The following HIVEP3 variants were observed in gnomAD, a reference collection of about 807,000 sequenced individuals.
HIVEP3 encodes the protein transcription factor HIVEP3.
Under a neutral mutation model 152.8 loss-of-function variants are expected in HIVEP3, and 49 were observed. The observed-to-expected ratio is 0.32, with a 90% CI of 0.26 to 0.41. HIVEP3 has a LOEUF of 0.41. Ranked by LOEUF, HIVEP3 falls within the 10% of genes least tolerant of loss-of-function variation. HIVEP3 has a pLI of 1.00. For synonymous variants in HIVEP3, 1,269 were observed against 1,289.0 expected (o/e 0.98, Z 0.33); for missense variants, 2,790 against 3,103.3 (o/e 0.90, Z 2.40).
chr1:41,863,053 A>G lies in HIVEP3; in HGVS notation c.-801+55360T>C, dbSNP rs574605067. 3.9e-5 allele frequency among the ~76,000 whole-genome samples: 6 copies of G among 152,354 alleles called. No individual in the cohort carries two copies. The South Asian group carries it at 1.0e-3, about 26-fold the overall frequency. ...ATGCACACCTCCTCCAGTTCCTGGAAGGCAAGGATGAGTCAAACAGAAGTT... is the reference window on the plus strand; with the variant it reads ...ATGCACACCTCCTCCAGTTCCTGGAGGGCAAGGATGAGTCAAACAGAAGTT... On this transcript the variant is annotated intron_variant, in intron 1 of 8. Coordinates refer to ENST00000372583, the MANE Select transcript of HIVEP3 (RefSeq NM_024503.5).
chr1:41,903,856 T>A (rs1477325051), intron 1 of HIVEP3, among the ~76,000 whole-genome samples: 5 of 152,032 alleles, frequency 3.3e-5, no homozygotes, highest in Non-Finnish European at 5.9e-5. Context: ...ACTGACCATT[T>A]CCTGCCCAGC....
intron 1 of HIVEP3, among the ~76,000 whole-genome samples, chr1:42,017,317 T>C (rs1645528996): frequency 6.6e-6 from 1 of 152,176 alleles, no homozygotes; most frequent in Non-Finnish European, 1.5e-5. Context: ...ATAAAAAATT[T>C]AATGAAGTAT....
At chr1:41,996,112 G>A (rs567719562) in intron 1 of HIVEP3, among the ~76,000 whole-genome samples, 1 of 152,166 alleles carries the variant, frequency 6.6e-6, no homozygotes, top group Admixed American at 6.5e-5. Flanking sequence ...AAGAGCTGGG[G>A]TCCAGAGGCA....
intron 2 of HIVEP3, among the ~76,000 whole-genome samples, chr1:41,661,249 A>T (rs921908647): frequency 2.0e-5 from 3 of 152,214 alleles, no homozygotes; most frequent in Admixed American, 6.5e-5. Context: ...TTGATGAAAC[A>T]TCAATCAATA....
At chr1:41,637,446 GC>G (rs1484479083) in intron 2 of HIVEP3, among the ~76,000 whole-genome samples, 1 of 152,086 alleles carries the variant, frequency 6.6e-6, no homozygotes, top group Non-Finnish European at 1.5e-5. Context: ...TAGTCTCCCT[GC>G]CCCCCTCCCT....
intron 2 of HIVEP3, among the ~76,000 whole-genome samples, chr1:41,629,580 A>G (rs942880581): frequency 1.3e-5 from 2 of 152,366 alleles, no homozygotes; most frequent in African/African-American, 2.4e-5. Flanking sequence ...TTCAACAAGC[A>G]AAAACCAAAT....
intron 1 of HIVEP3, among the ~76,000 whole-genome samples, chr1:41,898,289 C>G (rs61573030): frequency 0.035 from 5,322 of 152,294 alleles, 292 homozygotes; most frequent in African/African-American, 0.12. Flanking sequence ...ACAAAGCCAA[C>G]AGGGCGGAAG....
chr1:41,971,845 T>C (rs11210558), intron 1 of HIVEP3, among the ~76,000 whole-genome samples: 65,221 of 152,006 alleles, frequency 0.43, 15,666 homozygotes, highest in East Asian at 0.71. Context: ...TCTGCTGTCA[T>C]GGATGAATTA....
Position 41,887,125 on chromosome 1 carries a change from C to T in HIVEP3, c.-801+31288G>A, listed in dbSNP as rs1217662140. Among the ~76,000 whole-genome samples the T allele has an allele frequency of 3.9e-5, 6 of 152,062 alleles. No homozygotes were observed. The East Asian group carries it at 9.6e-4, about 24-fold the overall frequency. On this transcript the variant is annotated intron_variant, in intron 1 of 8. Coordinates refer to ENST00000372583, the MANE Select transcript of HIVEP3 (RefSeq NM_024503.5). ...AAGAAAAGCTAAATTTTCTTTGCAA[C>T]CTCCCTTTAGAAAAATTACAAAATC...
intron 5 of HIVEP3, among the ~76,000 whole-genome samples, chr1:41,536,132 G>A (rs1643395364): frequency 6.6e-6 from 1 of 152,150 alleles, no homozygotes; most frequent in African/African-American, 2.4e-5. Context: ...GATGGAGGAG[G>A]TTGTTGTTCC....
intron 1 of HIVEP3, among the ~76,000 whole-genome samples, chr1:41,977,394 G>A (rs12729105): frequency 0.46 from 70,503 of 151,768 alleles, 17,107 homozygotes; most frequent in East Asian, 0.71. Context: ...AGAGAGGTGT[G>A]CCCCACGCTC....
intron 6 of HIVEP3, among the ~76,000 whole-genome samples, chr1:41,521,524 TCTC>T (rs1642760070): frequency 6.6e-6 from 1 of 151,780 alleles, no homozygotes; most frequent in Non-Finnish European, 1.5e-5. Flanking sequence ...TCCAGGCCTG[TCTC>T]CTCCTCTGTG....
At position 41,522,491 on chromosome 1, in the gene HIVEP3, C is replaced by T. The variant is rs111917545; in HGVS notation, c.5383+2244G>A. On this transcript the variant is annotated intron_variant, in intron 6 of 8. Coordinates refer to ENST00000372583, the MANE Select transcript of HIVEP3 (RefSeq NM_024503.5). ...ACTGCTTGATCACTGGTTGAGAGCA[C>T]GGCCTCACAGCCCTGGCCTTCAGGA... Among the ~76,000 whole-genome samples, 22 of 152,354 alleles carry T rather than the reference C, an allele frequency of 1.4e-4. 1 individual carries two copies. The highest frequency in any genetic ancestry group is 5.1e-4 in the African/African-American group (21 of 41,584).
intron 2 of HIVEP3, among the ~76,000 whole-genome samples, chr1:41,634,083 T>C (rs1032267724): frequency 1.3e-5 from 2 of 149,486 alleles, no homozygotes; most frequent in African/African-American, 2.5e-5. Context: ...GAGAGAAGTA[T>C]AAAATAGTGT....
Position 41,585,053 on chromosome 1 carries a change from A to G in HIVEP3, c.-256T>C. On this transcript the variant is annotated 5_prime_UTR_variant, in exon 4 of 9. Coordinates refer to ENST00000372583, the MANE Select transcript of HIVEP3 (RefSeq NM_024503.5). ...CTTTGCAGACAGAAAACGCACCAGC[A>G]CTTTCTGCCTGAATGTCTGTCGGGA... 2.5e-6 allele frequency: 1 copy of G among 401,938 alleles called. No individual in the cohort carries two copies. Among genetic ancestry groups the G allele is most frequent in the Non-Finnish European group, 4.4e-6 (1 of 228,360 alleles). The allele number at this position is 401,938 out of a possible 1,614,324, so 24.9% of individuals were successfully genotyped here.
rs1646043616 is a variant in HIVEP3, at chr1:41,681,820, CT to C, written c.-721+19095del. On this transcript the variant is annotated intron_variant, in intron 2 of 8. Coordinates refer to ENST00000372583, the MANE Select transcript of HIVEP3 (RefSeq NM_024503.5). The stretch of plus-strand genomic sequence containing the variant: ...AACCTTGTGACTATGTCCCCTCCTC[CT>C]GATATGGACTGGCTGCCCCAACTTG... 6.6e-5 allele frequency among the ~76,000 whole-genome samples: 10 copies of C among 152,312 alleles called. No individual in the cohort carries two copies. In the South Asian group the frequency reaches 2.1e-3, roughly 32 times the overall value.
intron 1 of HIVEP3, among the ~76,000 whole-genome samples, chr1:41,956,553 T>C (rs1381123950): frequency 4.6e-5 from 7 of 152,228 alleles, no homozygotes. Context: ...TCATCCCAAA[T>C]ATCACATGGT....
upstream of HIVEP3, among the ~76,000 whole-genome samples, chr1:41,919,052 G>T (rs952463649): frequency 6.6e-6 from 1 of 152,022 alleles, no homozygotes; most frequent in Non-Finnish European, 1.5e-5. Context: ...CAGTGATAAG[G>T]ATTTCATTTA....
At chr1:41,597,355 CA>C (rs1319664751) in intron 3 of HIVEP3, among the ~76,000 whole-genome samples, 11 of 152,174 alleles carry the variant, frequency 7.2e-5, no homozygotes, top group Admixed American at 1.3e-4. Context: ...GCCAGACTTG[CA>C]GAGGCCCAGA....
Sources: gnomAD v4.1 joint callset for allele counts (sites outside exome capture counted in the v4.1 genomes callset) on GRCh38, gnomAD v4.1.1 for gene constraint, MANE v1.5 for transcripts, NCBI Gene and HGNC (gene_info 2026-07-23, HGNC 2026-07-21) for gene names.